CLSTN2: variants seen among roughly 807,000 people sequenced by gnomAD.
CLSTN2 encodes the protein calsyntenin-2.
Under a neutral mutation model 101.2 loss-of-function variants are expected in CLSTN2, and 48 were observed. The ratio of observed to expected loss-of-function variants is 0.47; its 90% CI spans 0.38 to 0.60. The LOEUF is 0.60. CLSTN2 is among the 20% of genes least tolerant of loss of function. The pLI is 0.00. For missense variants in CLSTN2, 1,160 were observed against 1,238.2 expected (o/e 0.94, Z 0.95); for synonymous variants, 481 against 463.6 (o/e 1.04, Z -0.48).
intron 1 of CLSTN2, among the ~76,000 whole-genome samples, chr3:140,131,616 A>G (rs1352899600): frequency 1.3e-5 from 2 of 152,090 alleles, no homozygotes; most frequent in African/African-American, 2.4e-5. Context: ...GATTTTAACT[A>G]CTTCTAGAGT....
Position 140,484,434 on chromosome 3 carries a change from T to C in CLSTN2, c.1344+17703T>C, listed in dbSNP as rs1457088534. Among the ~76,000 whole-genome samples, 4 of 152,188 alleles carry C rather than the reference T, an allele frequency of 2.6e-5. No individual in the cohort carries two copies. In the East Asian group the frequency reaches 7.7e-4, roughly 29 times the overall value. On this transcript the variant is annotated intron_variant, in intron 8 of 16. Transcript: ENST00000458420. ...TTTCAACTTTGGTGAATATGACAAT[T>C]ATGTGTCTTGGAGTCGCTCTTCTCA...
Position 140,501,391 on chromosome 3 carries a change from G to T in CLSTN2, c.1345-30933G>T, listed in dbSNP as rs548054974. 1.4e-4 allele frequency among the ~76,000 whole-genome samples: 22 copies of T among 152,288 alleles called. No homozygotes were observed. The East Asian group carries it at 4.2e-3, about 29-fold the overall frequency. On this transcript the variant is annotated intron_variant, in intron 8 of 16. Transcript: ENST00000458420. ...CTGCAAACTAGCTTTCTCCTGCCTA[G>T]CCTGAAGGCTAGATGCAGGAAGGAG...
chr3:140,024,482 G>A (rs1399314097), intron 1 of CLSTN2, among the ~76,000 whole-genome samples: 1 of 152,140 alleles, frequency 6.6e-6, no homozygotes, highest in East Asian at 1.9e-4. Flanking sequence ...TCTTTTCCCT[G>A]GAGAGAACTA....
chr3:140,296,900 G>T (rs565422080), intron 2 of CLSTN2, among the ~76,000 whole-genome samples: 7 of 152,218 alleles, frequency 4.6e-5, no homozygotes, highest in Admixed American at 2.6e-4. Context: ...ACAAGAACGA[G>T]CTGGGGCTAA....
intron 8 of CLSTN2, among the ~76,000 whole-genome samples, chr3:140,500,744 G>A (rs1934560173): frequency 6.6e-6 from 1 of 152,080 alleles, no homozygotes; most frequent in Admixed American, 6.6e-5. Context: ...TTTGTAGAAC[G>A]CATATTATAC....
intron 1 of CLSTN2, among the ~76,000 whole-genome samples, chr3:140,127,706 CT>C (rs1314224256): frequency 4.6e-5 from 7 of 152,082 alleles, no homozygotes; most frequent in African/African-American, 1.7e-4. Context: ...ATCTCAAAGG[CT>C]TCAGGAGTAT....
At chr3:140,520,410 G>GAAAT (rs796953246) in intron 8 of CLSTN2, among the ~76,000 whole-genome samples, 13 of 152,352 alleles carry the variant, frequency 8.5e-5, no homozygotes, top group African/African-American at 2.9e-4. Context: ...AGGCAAAGGA[G>GAAAT]AAATAGGCAC....
Position 140,096,034 on chromosome 3 carries a change from T to C in CLSTN2, c.110-79917T>C, listed in dbSNP as rs148753148. 4.2e-3 allele frequency among the ~76,000 whole-genome samples: 645 copies of C among 152,282 alleles called. 10 individuals carry two copies. Among genetic ancestry groups the C allele is most frequent in the Admixed American group, 0.037 (570 of 15,294 alleles). On this transcript the variant is annotated intron_variant, in intron 1 of 16. Transcript: ENST00000458420. The stretch of plus-strand genomic sequence containing the variant: ...GAAATTTAAGGACACTGGATGATGA[T>C]TTACTCAGCTTCTTGGAAAAACAAG...
At chr3:140,493,171 A>G (rs1934385961) in intron 8 of CLSTN2, among the ~76,000 whole-genome samples, 1 of 152,142 alleles carries the variant, frequency 6.6e-6, no homozygotes, top group Admixed American at 6.5e-5. Flanking sequence ...GGCTGGGTTT[A>G]CCTTTTTGGC....
chr3:140,519,530 A>T (rs1022428253), intron 8 of CLSTN2, among the ~76,000 whole-genome samples: 1 of 152,178 alleles, frequency 6.6e-6, no homozygotes. Flanking sequence ...TTGAGTGCAT[A>T]TATATTTAGG....
chr3:140,498,459 A>G (rs1480494852), intron 8 of CLSTN2, among the ~76,000 whole-genome samples: 5 of 152,200 alleles, frequency 3.3e-5, no homozygotes, highest in Non-Finnish European at 5.9e-5. Flanking sequence ...CCAAGTGGCT[A>G]TGCCCTCACC....
intron 1 of CLSTN2, among the ~76,000 whole-genome samples, chr3:140,147,764 C>T (rs557715985): frequency 1.3e-5 from 2 of 152,274 alleles, no homozygotes; most frequent in South Asian, 4.1e-4. Context: ...TTCATCCTTC[C>T]CTCCTCGCAA....
chr3:140,144,675 A>G (rs1479207368), intron 1 of CLSTN2, among the ~76,000 whole-genome samples: 2 of 151,962 alleles, frequency 1.3e-5, no homozygotes, highest in African/African-American at 4.8e-5. Flanking sequence ...TATTGCTTTC[A>G]GGGCCCATAA....
At chr3:140,128,546 C>T (rs1311878052) in intron 1 of CLSTN2, among the ~76,000 whole-genome samples, 1 of 152,116 alleles carries the variant, frequency 6.6e-6, no homozygotes, top group Non-Finnish European at 1.5e-5. Flanking sequence ...GAAGTGATCA[C>T]CCCTAGGCCT....
chr3:140,284,394 A>G (rs1052957174), intron 2 of CLSTN2, among the ~76,000 whole-genome samples: 9 of 152,208 alleles, frequency 5.9e-5, no homozygotes, highest in Non-Finnish European at 8.8e-5. Context: ...TTAAGGTACA[A>G]CAGCCAATTG....
chr3:140,026,226 G>A (rs10935365), intron 1 of CLSTN2, among the ~76,000 whole-genome samples: 29,933 of 152,174 alleles, frequency 0.2, 3,216 homozygotes, highest in Admixed American at 0.29. Flanking sequence ...CTGAAGTCAG[G>A]CCATGGACTG....
chr3:139,981,200 T>C (rs1337570855), intron 1 of CLSTN2, among the ~76,000 whole-genome samples: 2 of 152,202 alleles, frequency 1.3e-5, no homozygotes, highest in Non-Finnish European at 2.9e-5. Flanking sequence ...AAGATTTAGC[T>C]GTGTGCATGG....
intron 8 of CLSTN2, among the ~76,000 whole-genome samples, chr3:140,474,249 G>A (rs1177207271): frequency 6.6e-6 from 1 of 152,134 alleles, no homozygotes; most frequent in Non-Finnish European, 1.5e-5. Context: ...CATTTCTGAA[G>A]AGGTGTGTAG....
At chr3:140,334,138 C>T (rs1420822050) in intron 2 of CLSTN2, among the ~76,000 whole-genome samples, 1 of 152,054 alleles carries the variant, frequency 6.6e-6, no homozygotes, top group Non-Finnish European at 1.5e-5. Context: ...TGAAAATGCT[C>T]CTATTTCTGG....
Sources: allele counts gnomAD v4.1 joint callset (sites outside exome capture counted in the v4.1 genomes callset), GRCh38; gene constraint gnomAD v4.1.1; transcripts MANE v1.5; gene names NCBI Gene and HGNC (gene_info 2026-07-23, HGNC 2026-07-21).